PRR16: variants seen among roughly 807,000 people sequenced by gnomAD.
PRR16 encodes proline rich 16.
PRR16 carries 6 observed loss-of-function variants against 18.2 expected under a neutral mutation model. The observed-to-expected ratio is 0.33, with a 90% CI of 0.18 to 0.65. The LOEUF (loss-of-function observed/expected upper bound fraction) is 0.65. Ranked by LOEUF, PRR16 falls within the 30% of genes least tolerant of loss-of-function variation. The pLI is 0.74. For synonymous variants in PRR16, 151 were observed against 147.8 expected, an observed-to-expected ratio of 1.02 and a Z score of -0.16; for missense variants, 412 against 376.6, an observed-to-expected ratio of 1.09 and a Z score of -0.78.
intron 1 of PRR16, among the ~76,000 whole-genome samples, chr5:120,520,337 G>T (rs1751132194): frequency 1.3e-5 from 2 of 152,204 alleles, no homozygotes; most frequent in Non-Finnish European, 2.9e-5. Flanking sequence ...GGAGGTTGCA[G>T]TGAGCCAAGA....
At chr5:120,589,365 A>C (rs1261220406) in intron 1 of PRR16, among the ~76,000 whole-genome samples, 1 of 152,126 alleles carries the variant, frequency 6.6e-6, no homozygotes, top group Non-Finnish European at 1.5e-5. Context: ...GAATCTATTA[A>C]CATTTGCTAT....
the PRR16 span, among the ~76,000 whole-genome samples, chr5:120,775,369 C>G: frequency 6.6e-6 from 1 of 151,236 alleles, no homozygotes; most frequent in Admixed American, 6.6e-5. Context: ...AGGAAATCTT[C>G]CTCACCTCCT....
the PRR16 span, among the ~76,000 whole-genome samples, chr5:120,788,416 T>G: frequency 5.9e-5 from 9 of 152,146 alleles, no homozygotes; most frequent in Non-Finnish European, 1.3e-4. Context: ...CCATGAATTA[T>G]GTACCCACAC....
At chr5:120,594,529 G>T (rs1753739573) in intron 1 of PRR16, among the ~76,000 whole-genome samples, 1 of 152,084 alleles carries the variant, frequency 6.6e-6, no homozygotes, top group South Asian at 2.1e-4. Flanking sequence ...TGGCCATACT[G>T]CCCAAAGCAA....
chr5:120,537,887 C>G (rs1393169182), intron 1 of PRR16, among the ~76,000 whole-genome samples: 6 of 149,278 alleles, frequency 4.0e-5, no homozygotes, highest in Non-Finnish European at 5.9e-5. Context: ...CGCCATTCTC[C>G]TGCCTCAGCC....
At position 120,544,497 on chromosome 5, in the gene PRR16, CAT is replaced by C. The variant is rs1258128654; in HGVS notation, c.159+79853_159+79854del. 5.3e-5 allele frequency among the ~76,000 whole-genome samples: 8 copies of C among 152,118 alleles called. No homozygotes were observed. The East Asian group carries it at 9.7e-4, about 18-fold the overall frequency. On this transcript the variant is annotated intron_variant, in intron 1 of 1. Coordinates refer to ENST00000407149, the MANE Select transcript of PRR16 (RefSeq NM_001300783.2). Reference sequence around the variant, plus strand: ...CATCAAAACCTAGTATATGCACACACATGTATGTGTATGCATGTGTGTATATG... The same window carrying C: ...CATCAAAACCTAGTATATGCACACACGTATGTGTATGCATGTGTGTATATG...
the PRR16 span, among the ~76,000 whole-genome samples, chr5:120,793,760 A>G: frequency 6.6e-6 from 1 of 152,204 alleles, no homozygotes; most frequent in African/African-American, 2.4e-5. Context: ...ACTTTCTGAA[A>G]AATGAGGAGT....
chr5:120,515,331 A>T (rs1398231257), intron 1 of PRR16, among the ~76,000 whole-genome samples: 1 of 152,186 alleles, frequency 6.6e-6, no homozygotes, highest in Non-Finnish European at 1.5e-5. Flanking sequence ...ATACATTTGC[A>T]CAGAGGATTA....
chr5:120,658,932 G>C (rs1180722244), intron 1 of PRR16, among the ~76,000 whole-genome samples: 2 of 151,582 alleles, frequency 1.3e-5, no homozygotes, highest in Non-Finnish European at 2.9e-5. Context: ...GCCCTCCCCA[G>C]TCCTTGCCAA....
intron 1 of PRR16, among the ~76,000 whole-genome samples, chr5:120,477,489 T>A (rs1473340152): frequency 2.6e-5 from 4 of 152,166 alleles, no homozygotes; most frequent in African/African-American, 9.7e-5. Context: ...GTTTCCAAAG[T>A]CTGACCAATT....
chr5:120,501,190 A>G (rs959330369), intron 1 of PRR16, among the ~76,000 whole-genome samples: 9 of 152,214 alleles, frequency 5.9e-5, no homozygotes, highest in African/African-American at 2.2e-4. Flanking sequence ...TAATTTAATG[A>G]CAAAATCCTC....
At chr5:120,596,580 A>G (rs1378689353) in intron 1 of PRR16, among the ~76,000 whole-genome samples, 2 of 151,778 alleles carry the variant, frequency 1.3e-5, no homozygotes, top group African/African-American at 4.8e-5. Context: ...CTCTATATCA[A>G]TTGCCCAACT....
intron 1 of PRR16, among the ~76,000 whole-genome samples, chr5:120,474,000 A>G (rs1191016945): frequency 6.6e-6 from 1 of 152,178 alleles, no homozygotes; most frequent in Non-Finnish European, 1.5e-5. Flanking sequence ...CATTTTCCCA[A>G]GTAGGGAATA....
chr5:120,760,841 T>C, the PRR16 span, among the ~76,000 whole-genome samples: 1 of 152,090 alleles, frequency 6.6e-6, no homozygotes, highest in African/African-American at 2.4e-5. Flanking sequence ...TGAGCTCCGG[T>C]AGCACAATGA....
chr5:120,537,028 T>G (rs1751739910), intron 1 of PRR16, among the ~76,000 whole-genome samples: 1 of 152,124 alleles, frequency 6.6e-6, no homozygotes. Flanking sequence ...AACAATACAC[T>G]GGAATCTACT....
the PRR16 span, among the ~76,000 whole-genome samples, chr5:120,703,780 C>G: frequency 2.0e-5 from 3 of 152,174 alleles, no homozygotes; most frequent in Non-Finnish European, 4.4e-5. Flanking sequence ...GTGACATTTA[C>G]TTAGCTTGCA....
intron 1 of PRR16, among the ~76,000 whole-genome samples, chr5:120,484,710 G>A (rs1308906770): frequency 6.7e-6 from 1 of 148,326 alleles, no homozygotes; most frequent in African/African-American, 2.5e-5. Context: ...GGGATTTTCA[G>A]AGTATATCAT....
At position 120,576,945 on chromosome 5, in the gene PRR16, TATATACAC is replaced by T. The variant is rs1361386007; in HGVS notation, c.160-108995_160-108988del. On this transcript the variant is annotated intron_variant, in intron 1 of 1. Coordinates refer to ENST00000407149, the MANE Select transcript of PRR16 (RefSeq NM_001300783.2). ...TCTCTCTCTTACATATAAATATATG[TATATACAC>T]ATATACACATATATATGTTTATAAC... Among the ~76,000 whole-genome samples, 6 of 152,098 alleles carry T rather than the reference TATATACAC, an allele frequency of 3.9e-5. 1 individual carries two copies. The highest frequency in any genetic ancestry group is 2.1e-4 in the South Asian group (1 of 4,830).
the PRR16 span, among the ~76,000 whole-genome samples, chr5:120,791,506 T>C: frequency 2.6e-5 from 4 of 151,122 alleles, no homozygotes; most frequent in African/African-American, 9.7e-5. Flanking sequence ...TAGAACATAA[T>C]AATTAGATTA....
Sources: allele counts gnomAD v4.1 joint callset (sites outside exome capture counted in the v4.1 genomes callset), GRCh38; gene constraint gnomAD v4.1.1; transcripts MANE v1.5; gene names NCBI Gene and HGNC (gene_info 2026-07-23, HGNC 2026-07-21).